Variants in STK38L observed in about 807,000 individuals in gnomAD.
STK38L encodes serine/threonine kinase 38 like.
Under a neutral mutation model 59.7 loss-of-function variants are expected in STK38L, and 28 were observed. The ratio of observed to expected loss-of-function variants is 0.47; its 90% confidence interval spans 0.35 to 0.64. STK38L has a LOEUF of 0.64. STK38L is among the 30% of genes least tolerant of loss of function. STK38L has a pLI of 0.01. For missense variants in STK38L, 314 were observed against 555.8 expected (o/e 0.56, Z 4.37); for synonymous variants, 162 against 176.8 (o/e 0.92, Z 0.66).
At chr12:27,268,688 C>A (rs539917036) in intron 1 of STK38L, among the ~76,000 whole-genome samples, 1 of 152,144 alleles carries the variant, frequency 6.6e-6, no homozygotes. Context: ...CCTGAGGAAT[C>A]GCCACACTGA....
Position 27,322,466 on chromosome 12 carries a change from C to T in STK38L, c.*11C>T, listed in dbSNP as rs375743468. The T allele has an allele frequency of 6.2e-7, 1 of 1,610,394 alleles. No individual in the cohort carries two copies. The highest frequency in any genetic ancestry group is 8.5e-7 in the Non-Finnish European group (1 of 1,178,962). On this transcript the variant is annotated 3_prime_UTR_variant, in exon 14 of 14. Transcript: ENST00000389032. ...GCTGGGAAGTTATGAATGAAGATAA[C>T]ATTCACCCATAACCAAGAGAACTCA...
chr12:27,302,825 G>A (rs1265568126), intron 3 of STK38L, among the ~76,000 whole-genome samples: 2 of 151,306 alleles, frequency 1.3e-5, no homozygotes, highest in South Asian at 2.1e-4. Context: ...TCGAGACCAC[G>A]GTGAAACCCC....
rs1025237870 is a variant in STK38L at position 27,300,378 on chromosome 12, G to A, written c.135-1759G>A. Among the ~76,000 whole-genome samples the A allele has an allele frequency of 1.2e-4, 19 of 152,214 alleles. 1 individual carries two copies. Among genetic ancestry groups the A allele is most frequent in the Admixed American group, 9.8e-4 (15 of 15,286 alleles). On this transcript the variant is annotated intron_variant, in intron 2 of 13. Transcript: ENST00000389032. Reference sequence around the variant, plus strand: ...TGGATCTTCCTGTTTAGATATGGTAGAAATGGATAAAAGTTACTGTATCTC... The same window carrying A: ...TGGATCTTCCTGTTTAGATATGGTAAAAATGGATAAAAGTTACTGTATCTC...
At chr12:27,295,476 T>A (rs1006629053) in intron 1 of STK38L, among the ~76,000 whole-genome samples, 1 of 152,200 alleles carries the variant, frequency 6.6e-6, no homozygotes, top group African/African-American at 2.4e-5. Context: ...TTTTCCACAG[T>A]TGCTTATTAG....
At chr12:27,281,845 GC>G (rs1295344308) in intron 1 of STK38L, among the ~76,000 whole-genome samples, 1 of 152,040 alleles carries the variant, frequency 6.6e-6, no homozygotes, top group African/African-American at 2.4e-5. Flanking sequence ...GACCACCCTG[GC>G]CAACATGGTG....
chr12:27,298,928 C>CA (rs1944097127), intron 2 of STK38L, among the ~76,000 whole-genome samples: 2 of 152,140 alleles, frequency 1.3e-5, no homozygotes, highest in Admixed American at 1.3e-4. Flanking sequence ...CAAATGAAAA[C>CA]AAGTGTTTCT....
chr12:27,312,775 G>C, intron 6 of STK38L, 103 bp downstream of exon 6: 1 of 1,351,380 alleles, frequency 7.4e-7, no homozygotes. Flanking sequence ...TTGCTCTGAG[G>C]CTTTACATAG....
At chr12:27,306,634 C>T (rs1944319539) in intron 3 of STK38L, among the ~76,000 whole-genome samples, 1 of 151,456 alleles carries the variant, frequency 6.6e-6, no homozygotes, top group South Asian at 2.1e-4. Flanking sequence ...GTAATTTTAG[C>T]TCCGTTAAAA....
chr12:27,249,636 C>A (rs988905376), intron 1 of STK38L, among the ~76,000 whole-genome samples: 2 of 152,202 alleles, frequency 1.3e-5, no homozygotes, highest in African/African-American at 2.4e-5. Context: ...CTGCGCCTGG[C>A]CTATGCTTAG....
intron 3 of STK38L, among the ~76,000 whole-genome samples, chr12:27,303,724 A>G (rs942473915): frequency 6.6e-6 from 1 of 152,198 alleles, no homozygotes; most frequent in South Asian, 2.1e-4. Flanking sequence ...AAAATGTTTC[A>G]TAGAAGAAGT....
In STK38L at chr12:27,265,897, A is replaced by G. The variant is rs143259952; in HGVS notation, c.-12+21565A>G. The stretch of plus-strand genomic sequence containing the variant: ...CTGATAAAAATAAATTTCTGAACCT[A>G]TAAGGCTGAGGATTGGGCCTAGGTT... On this transcript the variant is annotated intron_variant, in intron 1 of 13. Coordinates refer to ENST00000389032, the MANE Select transcript of STK38L (RefSeq NM_015000.4). Among the ~76,000 whole-genome samples, 83 of 152,328 alleles carry G rather than the reference A, an allele frequency of 5.4e-4. No homozygotes were observed. In the East Asian group the frequency reaches 0.014, roughly 25 times the overall value.
rs73083074 is a variant in STK38L at position 27,275,024 on chromosome 12, C to G, written c.-11-22686C>G. ...CACCAAATCCACCTTCCTGCCCCAA[C>G]AATCTAAATTGTAAATTGGACCACA... On this transcript the variant is annotated intron_variant, in intron 1 of 13. Transcript: ENST00000389032. 2.8e-3 allele frequency among the ~76,000 whole-genome samples: 428 copies of G among 152,276 alleles called. 3 individuals are homozygous for G. Among genetic ancestry groups the G allele is most frequent in the Admixed American group, 5.9e-3 (90 of 15,290 alleles).
chr12:27,248,533 G>T (rs1362395215), intron 1 of STK38L, among the ~76,000 whole-genome samples: 1 of 152,238 alleles, frequency 6.6e-6, no homozygotes, highest in African/African-American at 2.4e-5. Context: ...AGGGAATACA[G>T]CAGGTGAGCG....
Position 27,322,505 on chromosome 12 carries a change from C to T in STK38L, c.*50C>T, listed in dbSNP as rs750439040. 6.3e-7 allele frequency: 1 copy of T among 1,592,960 alleles called. No individual in the cohort carries two copies. The highest frequency in any genetic ancestry group is 8.5e-7 in the Non-Finnish European group (1 of 1,172,940). On this transcript the variant is annotated 3_prime_UTR_variant, in exon 14 of 14. Transcript: ENST00000389032. ...CAAGAGAACTCAGGTAGCTGCATCA[C>T]CAGGCTTGCTTGGCGTAGATAACAA...
At chr12:27,266,097 T>C (rs1472891355) in intron 1 of STK38L, among the ~76,000 whole-genome samples, 2 of 152,232 alleles carry the variant, frequency 1.3e-5, no homozygotes, top group African/African-American at 2.4e-5. Flanking sequence ...TTTAACATAT[T>C]TTAAGACACA....
chr12:27,315,100 A>G lies in STK38L; in HGVS notation c.758A>G (p.Asn253Ser), dbSNP rs1267026235. 4 of 1,613,506 alleles carry G rather than the reference A, an allele frequency of 2.5e-6. No homozygotes were observed. Among genetic ancestry groups the G allele is most frequent in the African/African-American group, 1.3e-5 (1 of 74,992 alleles). ...RTEFYRNLTH[N>S]PPSDFSFQNM... ...GAATTTTATAGAAATCTCACACACAACCCACCAAGTGACTTCTGTAAGTTT... is the reference window on the plus strand; with the variant it reads ...GAATTTTATAGAAATCTCACACACAGCCCACCAAGTGACTTCTGTAAGTTT... The change falls in exon 8 of 14, where the codon AAC becomes AGC. Residue 253 changes from asparagine to serine, a missense_variant. This residue lies in a region of STK38L where 192 missense variants were observed against 316.9 expected (regional missense o/e 0.61). Transcript: ENST00000389032.
chr12:27,285,933 A>G (rs1943761470), intron 1 of STK38L, among the ~76,000 whole-genome samples: 1 of 152,198 alleles, frequency 6.6e-6, no homozygotes, highest in South Asian at 2.1e-4. Context: ...GGTCCTTTCT[A>G]GTCACCAGTG....
chr12:27,281,232 C>T lies in STK38L; in HGVS notation c.-11-16478C>T, dbSNP rs1943650845. ...TCCCAAGTAGCTGGGACTACAGGCGCGCGCCACTACGCCCGGCTAATTTTT... is the reference window on the plus strand; with the variant it reads ...TCCCAAGTAGCTGGGACTACAGGCGTGCGCCACTACGCCCGGCTAATTTTT... On this transcript the variant is annotated intron_variant, in intron 1 of 13. Transcript: ENST00000389032. Among the ~76,000 whole-genome samples, 2 of 29,406 alleles carry T rather than the reference C, an allele frequency of 6.8e-5. 1 individual carries two copies. The highest frequency in any genetic ancestry group is 1.7e-4 in the Non-Finnish European group (2 of 11,510). The allele number at this position is 29,406 out of a possible 152,430, so 19.3% of individuals were successfully genotyped here. A position where few individuals can be genotyped will look rare whatever the true frequency, so the allele number is the denominator to read the frequency against.
chr12:27,265,201 A>G (rs1029331166), intron 1 of STK38L, among the ~76,000 whole-genome samples: 1 of 152,206 alleles, frequency 6.6e-6, no homozygotes. Flanking sequence ...AGTAAACAAG[A>G]TTTGACTAAA....
Sources: gnomAD v4.1 joint callset for allele counts (sites outside exome capture counted in the v4.1 genomes callset) on GRCh38, gnomAD v4.1.1 for gene constraint, gnomAD v4.1.1 regional missense constraint, MANE v1.5 for transcripts, NCBI Gene and HGNC (gene_info 2026-07-23, HGNC 2026-07-21) for gene names.